KHDRBS3: variants seen among roughly 807,000 people sequenced by gnomAD.
The protein encoded by KHDRBS3 is KH RNA binding domain containing, signal transduction associated 3, also known as KH domain-containing, RNA-binding, signal transduction-associated protein 3.
KHDRBS3 carries 23 observed loss-of-function variants against 45.6 expected under a neutral mutation model. The ratio of observed to expected loss-of-function variants is 0.50; its 90% CI spans 0.36 to 0.72. The LOEUF is 0.72. Ranked by LOEUF, KHDRBS3 falls within the 30% of genes least tolerant of loss-of-function variation. The pLI is 0.00. For synonymous variants in KHDRBS3, 162 were observed against 156.5 expected, an observed-to-expected ratio of 1.04 and a Z score of -0.26; for missense variants, 352 against 424.8, an observed-to-expected ratio of 0.83 and a Z score of 1.51.
intron 2 of KHDRBS3, chr8:135,541,621 C>T (rs970303140): frequency 6.6e-6 from 1 of 152,162 alleles, no homozygotes; most frequent in Non-Finnish European, 1.5e-5. Context: ...AACAGCAGCA[C>T]AGCAGTGGCA....
At chr8:135,474,846 G>A (rs778524569) in intron 1 of KHDRBS3, among the ~76,000 whole-genome samples, 2 of 152,144 alleles carry the variant, frequency 1.3e-5, no homozygotes, top group Non-Finnish European at 2.9e-5. Flanking sequence ...AAGTCCGCGT[G>A]GCTCCCACTG....
chr8:135,607,749 A>T (rs968159165), intron 7 of KHDRBS3, among the ~76,000 whole-genome samples: 1 of 152,220 alleles, frequency 6.6e-6, no homozygotes, highest in African/African-American at 2.4e-5. Flanking sequence ...TTGGCTTTGT[A>T]GTGATTCTGA....
At chr8:135,473,934 TCTTG>T (rs990013129) in intron 1 of KHDRBS3, among the ~76,000 whole-genome samples, 114 of 152,306 alleles carry the variant, frequency 7.5e-4, no homozygotes, top group African/African-American at 2.4e-3. Context: ...TGGCCACCAT[TCTTG>T]CTTGCTGCTG....
intron 5 of KHDRBS3, among the ~76,000 whole-genome samples, chr8:135,559,057 T>C (rs1367725185): frequency 6.6e-6 from 1 of 152,198 alleles, no homozygotes; most frequent in Non-Finnish European, 1.5e-5. Context: ...TGTGATTATA[T>C]TTAGGGCACA....
At chr8:135,608,014 G>A (rs1231549481) in intron 7 of KHDRBS3, among the ~76,000 whole-genome samples, 8 of 152,096 alleles carry the variant, frequency 5.3e-5, no homozygotes, top group African/African-American at 1.7e-4. Context: ...CCTGTATATC[G>A]TGTTTGTGCC....
chr8:135,463,785 C>A (rs182984890), intron 1 of KHDRBS3, among the ~76,000 whole-genome samples: 1,547 of 152,254 alleles, frequency 0.01, 19 homozygotes, highest in African/African-American at 0.033. Flanking sequence ...ACTTTGATAT[C>A]AAAAGCCCCA....
intron 1 of KHDRBS3, among the ~76,000 whole-genome samples, chr8:135,463,447 A>G (rs894832214): frequency 6.6e-6 from 1 of 152,190 alleles, no homozygotes; most frequent in Non-Finnish European, 1.5e-5. Flanking sequence ...AAAGCATCCC[A>G]GTGCTCTTTA....
chr8:135,603,940 A>G (rs1829332048), intron 6 of KHDRBS3, among the ~76,000 whole-genome samples: 1 of 49,030 alleles, frequency 2.0e-5, no homozygotes, highest in Admixed American at 2.6e-4. Context: ...ATTGTTGTTC[A>G]AATGTTTTTT....
chr8:135,469,529 T>TTG (rs1563699763), intron 1 of KHDRBS3, among the ~76,000 whole-genome samples: 1 of 24,276 alleles, frequency 4.1e-5, no homozygotes, highest in African/African-American at 8.7e-5. Context: ...TTTGGTTTTT[T>TTG]TTTTTTTTTT....
intron 1 of KHDRBS3, among the ~76,000 whole-genome samples, chr8:135,468,500 T>C (rs1821813153): frequency 6.6e-6 from 1 of 152,224 alleles, no homozygotes; most frequent in African/African-American, 2.4e-5. Context: ...CTGTAAAGGC[T>C]AAAGAGTAAA....
At chr8:135,591,210 C>G (rs1446250469) in intron 6 of KHDRBS3, among the ~76,000 whole-genome samples, 1 of 152,176 alleles carries the variant, frequency 6.6e-6, no homozygotes, top group Non-Finnish European at 1.5e-5. Context: ...AGCCCATGCT[C>G]CAGCACCCTG....
At chr8:135,500,689 T>A (rs1823695058) in intron 1 of KHDRBS3, among the ~76,000 whole-genome samples, 1 of 152,202 alleles carries the variant, frequency 6.6e-6, no homozygotes, top group African/African-American at 2.4e-5. Flanking sequence ...AGATCTCACA[T>A]CTGCTGATGG....
intron 1 of KHDRBS3, among the ~76,000 whole-genome samples, chr8:135,514,536 T>A (rs1824467730): frequency 6.6e-6 from 1 of 152,128 alleles, no homozygotes; most frequent in African/African-American, 2.4e-5. Context: ...CAAAATAGAA[T>A]GGTAGTTACC....
At chr8:135,483,804 T>C (rs1039752979) in intron 1 of KHDRBS3, among the ~76,000 whole-genome samples, 3 of 152,222 alleles carry the variant, frequency 2.0e-5, no homozygotes, top group African/African-American at 7.2e-5. Context: ...GACCTGCTTA[T>C]TCTCTCTCCC....
intron 2 of KHDRBS3, among the ~76,000 whole-genome samples, chr8:135,525,096 TC>T (rs1825112522): frequency 6.6e-6 from 1 of 152,180 alleles, no homozygotes; most frequent in Non-Finnish European, 1.5e-5. Context: ...TAATTTTGGA[TC>T]GTATGCTGGC....
At chr8:135,534,101 T>TA (rs966982820) in intron 2 of KHDRBS3, among the ~76,000 whole-genome samples, 5 of 152,128 alleles carry the variant, frequency 3.3e-5, no homozygotes, top group Non-Finnish European at 7.4e-5. Flanking sequence ...AAACATTTTT[T>TA]AAAAAAATTC....
At chr8:135,605,165 T>C (rs1829401139) in intron 6 of KHDRBS3, among the ~76,000 whole-genome samples, 1 of 151,702 alleles carries the variant, frequency 6.6e-6, no homozygotes, top group African/African-American at 2.4e-5. Flanking sequence ...ATGTGTAGAT[T>C]ACAGTTTTTC....
chr8:135,490,697 A>G (rs1823104151), intron 1 of KHDRBS3, among the ~76,000 whole-genome samples: 1 of 152,292 alleles, frequency 6.6e-6, no homozygotes. Context: ...TGAAGCCCCC[A>G]TCTGTAGGTA....
At chr8:135,510,656 A>G (rs564570103) in intron 1 of KHDRBS3, among the ~76,000 whole-genome samples, 1 of 152,312 alleles carries the variant, frequency 6.6e-6, no homozygotes, top group South Asian at 2.1e-4. Context: ...GATGGTCTCA[A>G]TCTCCTGACG....
Sources: gnomAD v4.1 joint callset for allele counts (sites outside exome capture counted in the v4.1 genomes callset) on GRCh38, gnomAD v4.1.1 for gene constraint, MANE v1.5 for transcripts, NCBI Gene and HGNC (gene_info 2026-07-23, HGNC 2026-07-21) for gene names.